DOCK8: variants seen among roughly 807,000 people sequenced by gnomAD.
DOCK8 encodes the protein dedicator of cytokinesis 8.
In DOCK8, 141 loss-of-function variants were observed where a neutral mutation model predicts 245.6. The ratio of observed to expected loss-of-function variants is 0.57; its 90% CI spans 0.50 to 0.66. The LOEUF (loss-of-function observed/expected upper bound fraction) is 0.66. DOCK8 is among the 30% of genes least tolerant of loss of function. The pLI is 0.00. For synonymous variants in DOCK8, 1,168 were observed against 970.2 expected (o/e 1.20, Z -3.79); for missense variants, 2,965 against 2,603.4 (o/e 1.14, Z -3.02).
At chr9:221,850 C>T (rs1248095504) in intron 1 of DOCK8, among the ~76,000 whole-genome samples, 1 of 151,540 alleles carries the variant, frequency 6.6e-6, no homozygotes, top group East Asian at 1.9e-4. Context: ...ATGAACAACT[C>T]TGCATGTAAA....
In DOCK8 at chr9:399,267, T is replaced by TGGGGGGGGGGGGGGGG; in HGVS notation, c.3234+8_3234+9insGGGGGGGGGGGGGGGG. The TGGGGGGGGGGGGGGGG allele has an allele frequency of 1.3e-6, 2 of 1,534,486 alleles. No individual in the cohort carries two copies. Among genetic ancestry groups the TGGGGGGGGGGGGGGGG allele is most frequent in the Non-Finnish European group, 8.6e-7 (1 of 1,156,104 alleles). On this transcript the variant is annotated intron_variant, in intron 26 of 47. Coordinates refer to ENST00000432829, the MANE Select transcript of DOCK8 (RefSeq NM_203447.4). ...AGACATTATTGCAGCCAGGTGAGTGTCCCCCCCACCCCCACCCCCGAGCGA... is the reference window on the plus strand; with the variant it reads ...AGACATTATTGCAGCCAGGTGAGTGTGGGGGGGGGGGGGGGGCCCCCCCACCCCCACCCCCGAGCGA...
intron 33 of DOCK8, 91 bp from the exon 34 acceptor site, chr9:426,794 G>T: frequency 9.8e-7 from 1 of 1,017,842 alleles, no homozygotes; most frequent in East Asian, 2.4e-5. Flanking sequence ...CTATTTTGGA[G>T]ATTTCTTTAC....
At chr9:250,655 C>A (rs1204075647) in intron 1 of DOCK8, among the ~76,000 whole-genome samples, 1 of 152,148 alleles carries the variant, frequency 6.6e-6, no homozygotes, top group Non-Finnish European at 1.5e-5. Context: ...ATGTAAGGGG[C>A]CTACACGGGT....
At chr9:333,426 C>G (rs947592219) in intron 10 of DOCK8, among the ~76,000 whole-genome samples, 4 of 152,020 alleles carry the variant, frequency 2.6e-5, no homozygotes, top group Non-Finnish European at 5.9e-5. Flanking sequence ...ACGGTGAAAC[C>G]CCGTCTCTGC....
chr9:329,791 G>A (rs954533628), intron 9 of DOCK8, among the ~76,000 whole-genome samples: 4 of 152,102 alleles, frequency 2.6e-5, no homozygotes, highest in African/African-American at 9.7e-5. Flanking sequence ...AAGTAACAGT[G>A]GTTACCCATT....
At chr9:422,017 A>G (rs1342613493) in intron 32 of DOCK8, 31 bp from the exon 33 acceptor site, 1 of 1,577,590 alleles carries the variant, frequency 6.3e-7, no homozygotes, top group Non-Finnish European at 8.7e-7. Context: ...CATGCTAATC[A>G]AATTCCTATC....
At chr9:311,816 C>T in intron 5 of DOCK8, 138 bp from the exon 6 acceptor site, 1 of 1,030,766 alleles carries the variant, frequency 9.7e-7, no homozygotes, top group Non-Finnish European at 1.5e-6. Flanking sequence ...ATCAAATCCG[C>T]AGTTTCTTCA....
At chr9:350,057 T>G (rs1380805610) in intron 14 of DOCK8, among the ~76,000 whole-genome samples, 3 of 152,228 alleles carry the variant, frequency 2.0e-5, no homozygotes, top group African/African-American at 7.2e-5. Context: ...AATCTCCTTG[T>G]GCTCCTCAAG....
intron 22 of DOCK8, 36 bp downstream of exon 22, chr9:382,721 G>T: frequency 1.2e-6 from 2 of 1,610,566 alleles, no homozygotes; most frequent in Non-Finnish European, 1.7e-6. Flanking sequence ...GGGGACACAG[G>T]CTTTTTTATT....
At chr9:247,130 T>C (rs1403525238) in intron 1 of DOCK8, among the ~76,000 whole-genome samples, 1 of 152,236 alleles carries the variant, frequency 6.6e-6, no homozygotes, top group Non-Finnish European at 1.5e-5. Flanking sequence ...TCATGCTTAT[T>C]AAAAACATTT....
chr9:224,912 G>A (rs2046958721), intron 1 of DOCK8, among the ~76,000 whole-genome samples: 1 of 152,172 alleles, frequency 6.6e-6, no homozygotes, highest in African/African-American at 2.4e-5. Context: ...ATGGCCATCT[G>A]TTGTCTGTGA....
intron 46 of DOCK8, chr9:459,940 C>T (rs907848645): frequency 7.2e-5 from 11 of 152,420 alleles, no homozygotes; most frequent in African/African-American, 2.6e-4. Flanking sequence ...ACCACCTCCA[C>T]CACATCCTAT....
chr9:257,645 G>C (rs368433985), intron 1 of DOCK8, among the ~76,000 whole-genome samples: 16 of 152,198 alleles, frequency 1.1e-4, no homozygotes, highest in African/African-American at 3.9e-4. Flanking sequence ...TCAGCCTCCT[G>C]AGTAGCTGGG....
chr9:368,417 A>G (rs1285102194), intron 15 of DOCK8: 4 of 636,770 alleles, frequency 6.3e-6, no homozygotes, highest in African/African-American at 5.4e-5. Flanking sequence ...CCATAGGACC[A>G]CCCCACTCTA....
chr9:407,157 T>G (rs990262946), intron 28 of DOCK8, 88 bp downstream of exon 28: 5 of 1,574,526 alleles, frequency 3.2e-6, no homozygotes, highest in Middle Eastern at 1.7e-4. Flanking sequence ...TCACACTTGG[T>G]AAAAAACTCT....
intron 2 of DOCK8, among the ~76,000 whole-genome samples, chr9:281,169 T>C (rs1455276434): frequency 1.3e-5 from 2 of 151,980 alleles, no homozygotes; most frequent in East Asian, 3.9e-4. Flanking sequence ...CACAAGAATT[T>C]CTTGAACCCA....
intron 14 of DOCK8, among the ~76,000 whole-genome samples, chr9:340,808 A>C (rs2051550218): frequency 1.3e-5 from 2 of 152,198 alleles, no homozygotes; most frequent in African/African-American, 4.8e-5. Context: ...TAGTTTACCT[A>C]ATTCTCTTTA....
chr9:270,910 A>C (rs2048146352), intron 1 of DOCK8, among the ~76,000 whole-genome samples: 1 of 152,198 alleles, frequency 6.6e-6, no homozygotes, highest in South Asian at 2.1e-4. Flanking sequence ...CAAATGGCTA[A>C]CAGATAAGTG....
Position 328,060 on chromosome 9 carries a change from G to A in DOCK8, c.933G>A (p.Gln311=). Reference sequence around the variant, plus strand: ...TTCACTGTGACCTGAACTCTGACCAGTTCAAAGGATTTCTGCGAGCTCACA... The same window carrying A: ...TTCACTGTGACCTGAACTCTGACCAATTCAAAGGATTTCTGCGAGCTCACA... ...ENFHCDLNSD[Q]FKGFLRAHTP... The change falls in exon 9 of 48, where the codon CAG becomes CAA. Residue 311 remains glutamine (Q), a synonymous_variant. Transcript: ENST00000432829. The A allele has an allele frequency of 6.2e-7, 1 of 1,614,176 alleles. No individual in the cohort carries two copies. The highest frequency in any genetic ancestry group is 8.5e-7 in the Non-Finnish European group (1 of 1,180,014).
Sources: allele counts gnomAD v4.1 joint callset (sites outside exome capture counted in the v4.1 genomes callset), GRCh38; gene constraint gnomAD v4.1.1; transcripts MANE v1.5; gene names NCBI Gene and HGNC (gene_info 2026-07-23, HGNC 2026-07-21).